The following TTC33 variants were observed in gnomAD, a reference collection of about 807,000 sequenced individuals.
TTC33 encodes tetratricopeptide repeat domain 33, also known as tetratricopeptide repeat protein 33.
Under a neutral mutation model 29.4 loss-of-function variants are expected in TTC33, and 24 were observed. The ratio of observed to expected loss-of-function variants is 0.82; its 90% CI spans 0.59 to 1.15. The LOEUF (loss-of-function observed/expected upper bound fraction) is 1.15. Among genes scored for constraint, TTC33 ranks in the 50% most tolerant of loss-of-function variants. The pLI is 0.00. For synonymous variants in TTC33, 107 were observed against 100.3 expected, an observed-to-expected ratio of 1.07 and a Z score of -0.40; for missense variants, 286 against 310.4, an observed-to-expected ratio of 0.92 and a Z score of 0.59.
In TTC33 at chr5:40,723,874, C is replaced by A. The variant is rs906467120; in HGVS notation, c.435+4471G>T. On this transcript the variant is annotated intron_variant, in intron 4 of 4. Transcript: ENST00000337702. ...AGCAAGATTCCCTCTCAAAAAAAAA[C>A]AAACAAACAAAAAGGCAAGATGTGT... Among the ~76,000 whole-genome samples, 3 of 150,120 alleles carry A rather than the reference C, an allele frequency of 2.0e-5. No individual in the cohort carries two copies. In the South Asian group the frequency reaches 6.3e-4, roughly 32 times the overall value.
chr5:40,755,422 C>A (rs1742966464), intron 1 of TTC33, among the ~76,000 whole-genome samples: 1 of 152,254 alleles, frequency 6.6e-6, no homozygotes, highest in South Asian at 2.1e-4. Flanking sequence ...TAAAAACGCT[C>A]AGAAAGGCTG....
intron 2 of TTC33, among the ~76,000 whole-genome samples, chr5:40,731,320 C>T (rs1306610925): frequency 6.6e-6 from 1 of 152,092 alleles, no homozygotes; most frequent in African/African-American, 2.4e-5. Flanking sequence ...TTTTATAGTC[C>T]CTACCCACAT....
At chr5:40,751,171 C>A (rs572654317) in intron 1 of TTC33, among the ~76,000 whole-genome samples, 1 of 152,168 alleles carries the variant, frequency 6.6e-6, no homozygotes, top group African/African-American at 2.4e-5. Context: ...TATAGCCTTA[C>A]AAAATGTATT....
At chr5:40,752,859 C>A (rs142107241) in intron 1 of TTC33, among the ~76,000 whole-genome samples, 1 of 152,034 alleles carries the variant, frequency 6.6e-6, no homozygotes. Context: ...TGTGCAAAAA[C>A]GCAGTATCTA....
intron 2 of TTC33, among the ~76,000 whole-genome samples, chr5:40,737,967 A>G (rs143419314): frequency 6.9e-4 from 105 of 152,352 alleles, no homozygotes; most frequent in African/African-American, 2.3e-3. Context: ...GCTGATGAAC[A>G]TTTAGGTTGT....
chr5:40,748,015 C>T (rs757805436), intron 1 of TTC33, among the ~76,000 whole-genome samples: 1 of 151,488 alleles, frequency 6.6e-6, no homozygotes, highest in Non-Finnish European at 1.5e-5. Flanking sequence ...TTAGTAGAAA[C>T]GGGATTTCAC....
chr5:40,735,355 C>T (rs1487091803), intron 2 of TTC33, among the ~76,000 whole-genome samples: 8 of 151,776 alleles, frequency 5.3e-5, no homozygotes, highest in Non-Finnish European at 8.8e-5. Context: ...ATGAGATAAC[C>T]CTAGATAAGG....
At chr5:40,755,516 T>A (rs2111949079) in intron 1 of TTC33, among the ~76,000 whole-genome samples, 1 of 152,242 alleles carries the variant, frequency 6.6e-6, no homozygotes, top group Middle Eastern at 3.4e-3. Context: ...GTCCCGCCCG[T>A]CCCACCGCTC....
chr5:40,735,899 G>T (rs1442414697), intron 2 of TTC33, among the ~76,000 whole-genome samples: 1 of 152,188 alleles, frequency 6.6e-6, no homozygotes, highest in African/African-American at 2.4e-5. Context: ...CATGGGGACA[G>T]AAATATGACT....
At chr5:40,726,391 G>C (rs968650086) in intron 4 of TTC33, among the ~76,000 whole-genome samples, 1 of 151,392 alleles carries the variant, frequency 6.6e-6, no homozygotes, top group Non-Finnish European at 1.5e-5. Context: ...AGAATTGTTA[G>C]ATATTAGAAA....
rs950983059 is a variant in TTC33, at chr5:40,734,118, G to A, written c.222-3775C>T. 1.4e-4 allele frequency among the ~76,000 whole-genome samples: 22 copies of A among 152,322 alleles called. 1 individual carries two copies. Among genetic ancestry groups the A allele is most frequent in the Admixed American group, 6.5e-5 (1 of 15,302 alleles). ...TCCATGCTAAACAAAGCAAGAAATG[G>A]TGGGTATTTACTTCACTATCATCAA... On this transcript the variant is annotated intron_variant, in intron 2 of 4. Coordinates refer to ENST00000337702, the MANE Select transcript of TTC33 (RefSeq NM_012382.3).
At position 40,728,198 on chromosome 5, in the gene TTC33, C is replaced by T. The variant is rs186844562; in HGVS notation, c.435+147G>A. On this transcript the variant is annotated intron_variant, in intron 4 of 4. Coordinates refer to ENST00000337702, the MANE Select transcript of TTC33 (RefSeq NM_012382.3). ...ACACAGGAGGCTGAGACAGGAGAAT[C>T]GCTTGAACCCAGGAGGCGGAGGTTG... 1.0e-3 allele frequency: 544 copies of T among 523,954 alleles called. 2 individuals carry two copies. The highest frequency in any genetic ancestry group is 3.3e-3 in the Admixed American group (78 of 23,406). 32.5% of individuals were successfully genotyped at this position (523,954 alleles called of 1,614,324 possible). A position where few individuals can be genotyped will look rare whatever the true frequency, so the allele number is the denominator to read the frequency against.
intron 2 of TTC33, among the ~76,000 whole-genome samples, chr5:40,731,835 C>A (rs1742435128): frequency 6.6e-6 from 1 of 152,210 alleles, no homozygotes; most frequent in Admixed American, 6.5e-5. Context: ...TTCATGAAGA[C>A]CTCCTCCAGT....
chr5:40,747,154 G>A, intron 1 of TTC33, 135 bp from the exon 2 acceptor site: 2 of 710,854 alleles, frequency 2.8e-6, no homozygotes, highest in South Asian at 1.9e-5. Context: ...CGCCTCCCGG[G>A]TTAAGTGATT....
At chr5:40,754,812 G>T (rs899377754) in intron 1 of TTC33, among the ~76,000 whole-genome samples, 1 of 152,202 alleles carries the variant, frequency 6.6e-6, no homozygotes. Flanking sequence ...AGCATGCAAA[G>T]CACTTTCTGC....
chr5:40,753,428 C>A (rs1158179419), intron 1 of TTC33, among the ~76,000 whole-genome samples: 1 of 151,698 alleles, frequency 6.6e-6, no homozygotes, highest in Non-Finnish European at 1.5e-5. Flanking sequence ...AAGTGAACCA[C>A]AAACTTTCCA....
chr5:40,734,690 A>C (rs1349147725), intron 2 of TTC33, among the ~76,000 whole-genome samples: 1 of 152,218 alleles, frequency 6.6e-6, no homozygotes, highest in Non-Finnish European at 1.5e-5. Flanking sequence ...TTAACAGCTT[A>C]TTCACTTTAT....
rs1217009174 is a variant in TTC33 at position 40,714,961 on chromosome 5, T to C, written c.*1184A>G. On this transcript the variant is annotated 3_prime_UTR_variant, in exon 5 of 5. Transcript: ENST00000337702. ...TGTACTACAATATATAGTATAAAAA[T>C]AATAGTTCAGATTAGCAATGACAGT... The C allele has an allele frequency of 6.6e-6, 1 of 152,010 alleles. No homozygotes were observed. The highest frequency in any genetic ancestry group is 1.9e-4 in the East Asian group (1 of 5,196). 9.4% of individuals were successfully genotyped at this position (152,010 alleles called of 1,614,324 possible).
chr5:40,724,546 T>C (rs895086887), intron 4 of TTC33, among the ~76,000 whole-genome samples: 3 of 151,802 alleles, frequency 2.0e-5, no homozygotes, highest in African/African-American at 4.8e-5. Context: ...GGAACGAGAA[T>C]GGCTTGAACC....
Sources: gnomAD v4.1 joint callset for allele counts (sites outside exome capture counted in the v4.1 genomes callset) on GRCh38, gnomAD v4.1.1 for gene constraint, MANE v1.5 for transcripts, NCBI Gene and HGNC (gene_info 2026-07-23, HGNC 2026-07-21) for gene names.